Variants in IQGAP2 observed in about 807,000 individuals in gnomAD.
IQGAP2 encodes the protein ras GTPase-activating-like protein IQGAP2.
A neutral mutation model predicts 201.3 loss-of-function variants in IQGAP2; 173 were observed. That is an observed-to-expected ratio of 0.86 (90% CI 0.76 to 0.98). IQGAP2 has a LOEUF of 0.98. Among genes scored for constraint, IQGAP2 ranks in the 50% least tolerant of loss-of-function variants. The pLI is 0.00. For missense variants in IQGAP2, 1,687 were observed against 1,864.8 expected, an observed-to-expected ratio of 0.90 and a Z score of 1.76; for synonymous variants, 675 against 673.9, an observed-to-expected ratio of 1.00 and a Z score of -0.03.
At chr5:76,695,251 C>G (rs1746618545) in intron 31 of IQGAP2, among the ~76,000 whole-genome samples, 1 of 152,142 alleles carries the variant, frequency 6.6e-6, no homozygotes, top group South Asian at 2.1e-4. Context: ...GAATTTTTCC[C>G]AAATAAGGCT....
intron 2 of IQGAP2, among the ~76,000 whole-genome samples, chr5:76,540,605 G>C (rs777310995): frequency 1.2e-4 from 18 of 152,238 alleles, no homozygotes; most frequent in Non-Finnish European, 1.6e-4. Flanking sequence ...GAAAGGAGAG[G>C]GTACCATGAA....
At chr5:76,508,323 A>G (rs1757736819) in intron 2 of IQGAP2, among the ~76,000 whole-genome samples, 3 of 152,146 alleles carry the variant, frequency 2.0e-5, no homozygotes, top group African/African-American at 7.2e-5. Flanking sequence ...CCATCTAAAA[A>G]AATAAAAAAG....
At chr5:76,634,097 T>G (rs72777550) in intron 15 of IQGAP2, among the ~76,000 whole-genome samples, 5,733 of 151,544 alleles carry the variant, frequency 0.038, 168 homozygotes, top group East Asian at 0.16. Context: ...TTCTAATCAT[T>G]TTTAGTAAAT....
In IQGAP2 at chr5:76,614,605, C is replaced by CTTTTTT. The variant is rs10603126; in HGVS notation, c.1521+3444_1521+3449dup. On this transcript the variant is annotated intron_variant, in intron 13 of 35. Transcript: ENST00000274364. The stretch of plus-strand genomic sequence containing the variant: ...TTAATGTCTTTGTTTTTCCCCTCTG[C>CTTTTTT]TTTTTTTTTTTTTTTTTTTTTTTTT... Among the ~76,000 whole-genome samples, 17 of 59,610 alleles carry CTTTTTT rather than the reference C, an allele frequency of 2.9e-4. 2 individuals carry two copies. Among genetic ancestry groups the CTTTTTT allele is most frequent in the South Asian group, 1.9e-3 (2 of 1,074 alleles). The allele number at this position is 59,610 out of a possible 152,430, so 39.1% of individuals were successfully genotyped here. A position where few individuals can be genotyped will look rare whatever the true frequency, so the allele number is the denominator to read the frequency against.
At chr5:76,629,144 A>G (rs1354722064) in intron 14 of IQGAP2, among the ~76,000 whole-genome samples, 1 of 152,172 alleles carries the variant, frequency 6.6e-6, no homozygotes, top group Non-Finnish European at 1.5e-5. Flanking sequence ...TGTATTGCAC[A>G]TCTAAAATCC....
intron 13 of IQGAP2, among the ~76,000 whole-genome samples, chr5:76,619,764 C>T (rs2069672): frequency 0.022 from 3,329 of 152,128 alleles, 117 homozygotes; most frequent in African/African-American, 0.076. Context: ...GTGATCTGCC[C>T]GCCTCGGCCA....
chr5:76,661,874 C>A (rs1417734875), intron 21 of IQGAP2, among the ~76,000 whole-genome samples: 1 of 152,196 alleles, frequency 6.6e-6, no homozygotes, highest in Non-Finnish European at 1.5e-5. Flanking sequence ...TAGCATACTA[C>A]CTGCATGCAG....
intron 2 of IQGAP2, among the ~76,000 whole-genome samples, chr5:76,481,077 C>G (rs984461020): frequency 2.0e-5 from 3 of 152,110 alleles, no homozygotes; most frequent in African/African-American, 7.2e-5. Flanking sequence ...GAGAGCTCTG[C>G]CCTCATGACT....
chr5:76,630,154 T>C (rs1251864421), intron 14 of IQGAP2, among the ~76,000 whole-genome samples: 1 of 152,116 alleles, frequency 6.6e-6, no homozygotes, highest in African/African-American at 2.4e-5. Flanking sequence ...TAAGCTGCCA[T>C]AGGCAGGCAC....
At position 76,707,182 on chromosome 5, in the gene IQGAP2, T is replaced by A. The variant is rs75606686; in HGVS notation, c.4615-18T>A. The A allele has an allele frequency of 9.6e-7, 1 of 1,041,228 alleles. No individual in the cohort carries two copies. Among genetic ancestry groups the A allele is most frequent in the Admixed American group, 1.9e-5 (1 of 51,350 alleles). The allele number at this position is 1,041,228 out of a possible 1,614,324, so 64.5% of individuals were successfully genotyped here. Reference sequence around the variant, plus strand: ...AAATGTCAAAGTTGAGATTTAATGATGCTTTTTACAATTTCAGGATTTACT... The same window carrying A: ...AAATGTCAAAGTTGAGATTTAATGAAGCTTTTTACAATTTCAGGATTTACT... On this transcript the variant is annotated intron_variant, in intron 35 of 35. Coordinates refer to ENST00000274364, the MANE Select transcript of IQGAP2 (RefSeq NM_006633.5).
At position 76,647,852 on chromosome 5, in the gene IQGAP2, A is replaced by ACACACACACAC. The variant is rs558983752; in HGVS notation, c.2095-4898_2095-4897insCACACACACAC. On this transcript the variant is annotated intron_variant, in intron 17 of 35. Coordinates refer to ENST00000274364, the MANE Select transcript of IQGAP2 (RefSeq NM_006633.5). ...ACACACACACACACACACACACACA[A>ACACACACACAC]ACGAAAAAAACTGTAATGCCTCCAC... is the stretch of plus-strand genomic sequence containing the variant. 7.0e-5 allele frequency among the ~76,000 whole-genome samples: 10 copies of ACACACACACAC among 142,948 alleles called. 1 individual carries two copies. The highest frequency in any genetic ancestry group is 2.7e-4 in the African/African-American group (10 of 37,092). The allele number at this position is 142,948 out of a possible 152,430, so 93.8% of individuals were successfully genotyped here. A position where few individuals can be genotyped will look rare whatever the true frequency, so the allele number is the denominator to read the frequency against.
At chr5:76,642,455 A>G (rs1249494951) in intron 17 of IQGAP2, among the ~76,000 whole-genome samples, 3 of 152,108 alleles carry the variant, frequency 2.0e-5, no homozygotes, top group African/African-American at 7.2e-5. Flanking sequence ...TCACCTCACC[A>G]CGCCTTTTTT....
Position 76,674,548 on chromosome 5 carries a change from C to T in IQGAP2, c.3366C>T (p.Ile1122=), listed in dbSNP as rs545087893. Residue 1122 remains isoleucine (I), a synonymous_variant, in exon 27 of 36, where the codon ATC becomes ATT. Transcript: ENST00000274364. Reference sequence around the variant, plus strand: ...TAGCTCCAGATGGCTTTGATATCATCGACATGACAGCTGGAGGTCAGATAA... The same window carrying T: ...TAGCTCCAGATGGCTTTGATATCATTGACATGACAGCTGGAGGTCAGATAA... ...AIVAPDGFDI[I]DMTAGGQINS... is the part of the protein sequence containing the mutation. 3.7e-5 allele frequency: 59 copies of T among 1,614,028 alleles called. No homozygotes were observed. In the South Asian group the frequency reaches 4.1e-4, roughly 11 times the overall value.
At chr5:76,502,152 G>T (rs1017183483) in intron 2 of IQGAP2, among the ~76,000 whole-genome samples, 6 of 152,224 alleles carry the variant, frequency 3.9e-5, no homozygotes, top group Non-Finnish European at 7.3e-5. Context: ...TTTGGAAAGA[G>T]AGGGGACTCC....
At chr5:76,479,698 G>A (rs146490656) in intron 2 of IQGAP2, among the ~76,000 whole-genome samples, 2 of 152,240 alleles carry the variant, frequency 1.3e-5, no homozygotes, top group African/African-American at 2.4e-5. Context: ...AACCCCTGAC[G>A]ATGTGTTCTG....
chr5:76,570,919 A>C (rs115840170), intron 4 of IQGAP2, among the ~76,000 whole-genome samples: 4,106 of 152,298 alleles, frequency 0.027, 97 homozygotes, highest in Middle Eastern at 0.082. Flanking sequence ...TAGGTGAGCT[A>C]TCTAAAATAG....
chr5:76,572,177 T>C (rs1745158307), intron 4 of IQGAP2, among the ~76,000 whole-genome samples: 1 of 152,150 alleles, frequency 6.6e-6, no homozygotes, highest in South Asian at 2.1e-4. Flanking sequence ...TCTGGGTCAA[T>C]AGCTTGCTCC....
At chr5:76,607,701 G>A (rs1747917717) in intron 12 of IQGAP2, 1 of 152,286 alleles carries the variant, frequency 6.6e-6, no homozygotes, top group African/African-American at 2.4e-5. Context: ...GGGGGTTGGG[G>A]GACCACCACT....
chr5:76,566,671 G>T (rs1311447138), intron 3 of IQGAP2, among the ~76,000 whole-genome samples: 1 of 152,114 alleles, frequency 6.6e-6, no homozygotes, highest in South Asian at 2.1e-4. Flanking sequence ...TAAGAGGGGA[G>T]ACAGAGTCCA....
Sources: allele counts gnomAD v4.1 joint callset (sites outside exome capture counted in the v4.1 genomes callset), GRCh38; gene constraint gnomAD v4.1.1; transcripts MANE v1.5; gene names NCBI Gene and HGNC (gene_info 2026-07-23, HGNC 2026-07-21).